MYO7A: variants seen among roughly 807,000 people sequenced by gnomAD.
The protein encoded by MYO7A is unconventional myosin-VIIa.
Under a neutral mutation model 263.8 loss-of-function variants are expected in MYO7A, and 210 were observed. That is an observed-to-expected ratio of 0.80 (90% CI 0.71 to 0.89). The LOEUF is 0.89. Among genes scored for constraint, MYO7A ranks in the 40% least tolerant of loss-of-function variants. The pLI is 0.00. For synonymous variants in MYO7A, 1,239 were observed against 1,197.3 expected, an observed-to-expected ratio of 1.03 and a Z score of -0.72; for missense variants, 2,820 against 2,968.3, an observed-to-expected ratio of 0.95 and a Z score of 1.16.
chr11:77,189,291 CG>C, intron 27 of MYO7A, 52 bp from the exon 28 acceptor site: 1 of 1,605,608 alleles, frequency 6.2e-7, no homozygotes. Flanking sequence ...AGGTGGGGAC[CG>C]GGGCTGTTCC....
intron 4 of MYO7A, among the ~76,000 whole-genome samples, chr11:77,150,903 C>T (rs782811129): frequency 9.2e-5 from 14 of 152,220 alleles, no homozygotes; most frequent in Non-Finnish European, 1.8e-4. Context: ...TCGTCCCACC[C>T]GGAAACCAAA....
intron 47 of MYO7A, among the ~76,000 whole-genome samples, 174 bp from the exon 48 acceptor site, chr11:77,213,686 C>G (rs1958002732): frequency 1.3e-5 from 2 of 152,334 alleles, no homozygotes; most frequent in South Asian, 4.1e-4. Context: ...GGTGTCCAAA[C>G]CAAGGTGTGG....
Position 77,182,936 on chromosome 11 carries a change from C to T in MYO7A, c.3286-132C>T, listed in dbSNP as rs561642702. ...GCAAGGGTAGGGGTGAGCAGGTGGA[C>T]GGTGGCAGTGTGGGGGACACCCTGT... is the stretch of plus-strand genomic sequence containing the variant. On this transcript the variant is annotated intron_variant, in intron 25 of 48. Transcript: ENST00000409709. The T allele has an allele frequency of 5.9e-5, 48 of 811,242 alleles. 1 individual carries two copies. The highest frequency in any genetic ancestry group is 2.4e-4 in the African/African-American group (14 of 59,050). 50.3% of individuals were successfully genotyped at this position (811,242 alleles called of 1,614,324 possible).
chr11:77,181,516 A>T lies in MYO7A; in HGVS notation c.2831A>T (p.Asp944Val). 6.2e-7 allele frequency: 1 copy of T among 1,613,556 alleles called. No individual in the cohort carries two copies. The highest frequency in any genetic ancestry group is 1.6e-4 in the Middle Eastern group (1 of 6,062). The change falls in exon 23 of 49, where the codon GAC (aspartate) becomes GTC (valine). Residue 944 changes from aspartate to valine, a missense_variant. Asp to Val is a radical substitution (Grantham distance 152). Coordinates refer to ENST00000409709, the MANE Select transcript of MYO7A (RefSeq NM_000260.4). ...HEPVNHSDMV[D>V]KMFGFLGTSG... ...CCTGTCAATCACTCAGACATGGTGGACAAGATGTTTGGCTTCCTGGGGACT... is the reference window on the plus strand; with the variant it reads ...CCTGTCAATCACTCAGACATGGTGGTCAAGATGTTTGGCTTCCTGGGGACT...
intron 35 of MYO7A, 60 bp downstream of exon 35, chr11:77,199,878 C>T (rs1956943016): frequency 1.4e-6 from 2 of 1,442,942 alleles, no homozygotes; most frequent in Non-Finnish European, 1.9e-6. Flanking sequence ...TGCAGACTGT[C>T]TTAGTCCATT....
chr11:77,163,102 T>TAA, intron 14 of MYO7A, 114 bp downstream of exon 14: 1 of 1,077,830 alleles, frequency 9.3e-7, no homozygotes, highest in Non-Finnish European at 1.3e-6. Context: ...TTGTGATTAT[T>TAA]CATATATATA....
At chr11:77,156,200 A>C in intron 5 of MYO7A, 109 bp downstream of exon 5, 9 of 1,255,722 alleles carry the variant, frequency 7.2e-6, no homozygotes, top group African/African-American at 1.5e-5. Context: ...AAATGCCATC[A>C]AGCTCTTCAG....
intron 27 of MYO7A, among the ~76,000 whole-genome samples, chr11:77,186,160 TCCAC>T (rs1555088364): frequency 6.6e-6 from 1 of 152,082 alleles, no homozygotes; most frequent in African/African-American, 2.4e-5. Context: ...GACCCTGTGA[TCCAC>T]CCACCTCAGC....
chr11:77,185,052 A>G, intron 27 of MYO7A: 1 of 438,608 alleles, frequency 2.3e-6, no homozygotes, highest in Non-Finnish European at 4.2e-6. Context: ...TAGTCTATGA[A>G]GTATGAAATA....
intron 37 of MYO7A, among the ~76,000 whole-genome samples, chr11:77,202,742 G>C (rs12273871): frequency 6.6e-6 from 1 of 151,692 alleles, no homozygotes; most frequent in East Asian, 1.9e-4. Flanking sequence ...CTTCTGGGGC[G>C]GGGGGTGGGG....
At position 77,172,851 on chromosome 11, in the gene MYO7A, G is replaced by A. The variant is rs781812509; in HGVS notation, c.1901G>A (p.Arg634Gln). 83 of 1,552,036 alleles carry A rather than the reference G, an allele frequency of 5.3e-5. No homozygotes were observed. Among genetic ancestry groups the A allele is most frequent in the Non-Finnish European group, 6.4e-5 (74 of 1,147,306 alleles). ...TLGACQPFFV[R>Q]CIKPNEFKKP... ...GGTGCCTGCCAGCCCTTCTTTGTGCGATGCATCAAGCCCAATGAGTTCAAG... is the reference window on the plus strand; with the variant it reads ...GGTGCCTGCCAGCCCTTCTTTGTGCAATGCATCAAGCCCAATGAGTTCAAG... The change falls in exon 16 of 49, where the codon CGA (arginine) becomes CAA (glutamine). Residue 634 changes from arginine to glutamine, a missense_variant. Coordinates refer to ENST00000409709, the MANE Select transcript of MYO7A (RefSeq NM_000260.4).
At chr11:77,183,260 G>C in intron 26 of MYO7A, 103 bp downstream of exon 26, 5 of 977,308 alleles carry the variant, frequency 5.1e-6, no homozygotes, top group Non-Finnish European at 8.0e-6. Context: ...AGGAGCAGGA[G>C]TGGACACTGT....
At chr11:77,210,981 G>C in intron 44 of MYO7A, 171 bp from the exon 45 acceptor site, 1 of 635,810 alleles carries the variant, frequency 1.6e-6, no homozygotes, top group Non-Finnish European at 2.7e-6. Flanking sequence ...CTCTGTCCCT[G>C]TCCTGTGCCG....
At chr11:77,152,238 G>A (rs1349277915) in intron 4 of MYO7A, among the ~76,000 whole-genome samples, 1 of 152,174 alleles carries the variant, frequency 6.6e-6, no homozygotes, top group African/African-American at 2.4e-5. Flanking sequence ...ATTTTTTTCT[G>A]CACAGATGGT....
chr11:77,196,791 C>G lies in MYO7A; in HGVS notation c.4324-690C>G, dbSNP rs1956700022. ...CATACACATCCACCCTTACCTATGC[C>G]TGTGTCTACATTCTATAAAAACCAG... On this transcript the variant is annotated intron_variant, in intron 32 of 48. Transcript: ENST00000409709. Among the ~76,000 whole-genome samples, 3 of 152,176 alleles carry G rather than the reference C, an allele frequency of 2.0e-5. No individual in the cohort carries two copies. The South Asian group carries it at 6.2e-4, about 31-fold the overall frequency.
rs79012431 is a variant in MYO7A, at chr11:77,180,675, G to C, written c.2694+194G>C. 0.02 allele frequency among the ~76,000 whole-genome samples: 3,115 copies of C among 152,320 alleles called. 104 individuals are homozygous for C. Among genetic ancestry groups the C allele is most frequent in the African/African-American group, 0.071 (2,937 of 41,568 alleles). ...TCCTGTGCCATGCAAAAGGATGAAG[G>C]GCTGTGGTGGCTCCAGAGGAAGAGG... On this transcript the variant is annotated intron_variant, in intron 22 of 48. Transcript: ENST00000409709.
chr11:77,130,730 C>A lies in MYO7A; in HGVS notation c.18+78C>A, dbSNP rs1377800088. The A allele has an allele frequency of 1.3e-5, 19 of 1,510,314 alleles. No individual in the cohort carries two copies. The African/African-American group carries it at 1.4e-4, about 11-fold the overall frequency. The allele number at this position is 1,510,314 out of a possible 1,614,324, so 93.6% of individuals were successfully genotyped here. ...CATCCATATGCTTACCCGTGGGACA[C>A]CCTCCCCAGGGTGTTCTCTTGGAAA... On this transcript the variant is annotated intron_variant, in intron 2 of 48. Coordinates refer to ENST00000409709, the MANE Select transcript of MYO7A (RefSeq NM_000260.4).
In MYO7A at chr11:77,205,570, C is replaced by T. The variant is rs727504024; in HGVS notation, c.5589C>T (p.His1863=). The T allele has an allele frequency of 1.4e-5, 22 of 1,613,234 alleles. No individual in the cohort carries two copies. In the South Asian group the frequency reaches 2.4e-4, roughly 18 times the overall value. Residue 1863 remains histidine, a synonymous_variant, in exon 40 of 49, where the codon CAC becomes CAT. Coordinates refer to ENST00000409709, the MANE Select transcript of MYO7A (RefSeq NM_000260.4). The part of the protein sequence containing the change: ...HVQRFLQSRK[H]CPLAIDCLQR... ...AGCGCTTCCTGCAGTCCCGAAAGCACTGCCCACTCGCCATCGACTGCCTGC... is the reference window on the plus strand; with the variant it reads ...AGCGCTTCCTGCAGTCCCGAAAGCATTGCCCACTCGCCATCGACTGCCTGC...
intron 3 of MYO7A, among the ~76,000 whole-genome samples, chr11:77,145,097 A>G (rs1951474092): frequency 6.6e-6 from 1 of 152,196 alleles, no homozygotes; most frequent in African/African-American, 2.4e-5. Context: ...GGAGCGGTGC[A>G]GCTACTGGGC....
Sources: allele counts gnomAD v4.1 joint callset (sites outside exome capture counted in the v4.1 genomes callset), GRCh38; gene constraint gnomAD v4.1.1; transcripts MANE v1.5; gene names NCBI Gene and HGNC (gene_info 2026-07-23, HGNC 2026-07-21).